Variants in SAMD7 observed in about 807,000 individuals in gnomAD.
SAMD7 encodes sterile alpha motif domain-containing protein 7.
A neutral mutation model predicts 36.7 loss-of-function variants in SAMD7; 34 were observed. That is an observed-to-expected ratio of 0.93 (90% confidence interval 0.71 to 1.23). SAMD7 has a LOEUF of 1.23. Ranked by LOEUF, SAMD7 falls within the 50% of genes most tolerant of loss-of-function variation. The probability of loss-of-function intolerance (pLI) is 0.00; values close to 1 mark genes in which losing one functional copy is unlikely to be tolerated. For missense variants in SAMD7, 570 were observed against 546.6 expected, an observed-to-expected ratio of 1.04 and a Z score of -0.43; for synonymous variants, 188 against 189.7, an observed-to-expected ratio of 0.99 and a Z score of 0.07.
Position 169,919,477 on chromosome 3 carries a change from G to A in SAMD7, c.-22G>A, listed in dbSNP as rs780994464. ...TTTTAGAACTCCATTAGTGGCGAGA[G>A]ATATTGAAGACAAACCCGGTGATGG... On this transcript the variant is annotated 5_prime_UTR_variant, in exon 3 of 9. Transcript: ENST00000335556. 4 of 1,597,450 alleles carry A rather than the reference G, an allele frequency of 2.5e-6. No individual in the cohort carries two copies. The highest frequency in any genetic ancestry group is 1.7e-6 in the Non-Finnish European group (2 of 1,164,734).
At chr3:169,926,494 T>A (rs1713263454) in intron 5 of SAMD7, 59 bp from the exon 6 acceptor site, 1 of 1,498,538 alleles carries the variant, frequency 6.7e-7, no homozygotes, top group African/African-American at 1.4e-5. Flanking sequence ...AAGGGGTCAT[T>A]AAAATTACAT....
intron 1 of SAMD7, 40 bp from the exon 2 acceptor site, chr3:169,915,327 A>T (rs940168024): frequency 3.3e-5 from 5 of 152,006 alleles, no homozygotes; most frequent in Non-Finnish European, 5.9e-5. Flanking sequence ...TCCTGGGATT[A>T]CCTCCCAAAT....
At chr3:169,919,012 G>C (rs1166245277) in intron 2 of SAMD7, among the ~76,000 whole-genome samples, 5 of 152,132 alleles carry the variant, frequency 3.3e-5, no homozygotes, top group African/African-American at 4.8e-5. Flanking sequence ...CGGGCGTGGT[G>C]GTGGGTGCCT....
intron 2 of SAMD7, among the ~76,000 whole-genome samples, chr3:169,916,638 ACT>A (rs1712814627): frequency 6.6e-6 from 1 of 152,134 alleles, no homozygotes; most frequent in Admixed American, 6.5e-5. Flanking sequence ...AGAGAGTGAG[ACT>A]CTGTCTCAAA....
At chr3:169,921,109 G>A (rs1349387204) in intron 3 of SAMD7, 105 bp from the exon 4 acceptor site, 1 of 994,778 alleles carries the variant, frequency 1.0e-6, no homozygotes, top group African/African-American at 1.6e-5. Flanking sequence ...GAGAAGAGAT[G>A]ATAGAATCCC....
intron 2 of SAMD7, among the ~76,000 whole-genome samples, chr3:169,917,617 A>G (rs1293017142): frequency 1.3e-4 from 17 of 127,966 alleles, no homozygotes; most frequent in African/African-American, 2.6e-4. Flanking sequence ...TTTTATTTTT[A>G]TTTGTTTGTT....
chr3:169,914,078 G>A (rs772259515), intron 1 of SAMD7, among the ~76,000 whole-genome samples: 3 of 152,206 alleles, frequency 2.0e-5, no homozygotes, highest in Non-Finnish European at 4.4e-5. Flanking sequence ...AACACCAAGA[G>A]TGAATCCACA....
intron 7 of SAMD7, among the ~76,000 whole-genome samples, chr3:169,934,314 G>GT (rs1713631192): frequency 6.6e-6 from 1 of 152,178 alleles, no homozygotes; most frequent in African/African-American, 2.4e-5. Context: ...GGTGGGAGCA[G>GT]TGGGGGCAGG....
rs1191657836 is a variant in SAMD7 at position 169,919,492 on chromosome 3, C to G, written c.-7C>G. 1.9e-6 allele frequency: 3 copies of G among 1,613,212 alleles called. 1 individual carries two copies. The highest frequency in any genetic ancestry group is 3.3e-5 in the Admixed American group (2 of 59,996). On this transcript the variant is annotated 5_prime_UTR_variant, in exon 3 of 9. Transcript: ENST00000335556. ...AGTGGCGAGAGATATTGAAGACAAA[C>G]CCGGTGATGGCTGTGAACCCTTTAT...
chr3:169,915,949 G>C (rs1712780251), intron 2 of SAMD7, among the ~76,000 whole-genome samples: 1 of 152,094 alleles, frequency 6.6e-6, no homozygotes, highest in South Asian at 2.1e-4. Context: ...TATTTAATGT[G>C]TACAATTTGA....
At chr3:169,924,009 C>T (rs1181367203) in intron 4 of SAMD7, among the ~76,000 whole-genome samples, 1 of 152,170 alleles carries the variant, frequency 6.6e-6, no homozygotes, top group Non-Finnish European at 1.5e-5. Flanking sequence ...GCTCTCTAGA[C>T]TGGACTTCTT....
At chr3:169,917,162 A>T (rs1269154472) in intron 2 of SAMD7, among the ~76,000 whole-genome samples, 5 of 152,244 alleles carry the variant, frequency 3.3e-5, no homozygotes, top group Non-Finnish European at 7.3e-5. Context: ...TGGATTTCCA[A>T]TTTGATTAGT....
rs145143262 is a variant in SAMD7 at position 169,937,333 on chromosome 3, G to A, written c.1152+884G>A. Among the ~76,000 whole-genome samples the A allele has an allele frequency of 2.0e-3, 311 of 152,060 alleles. 1 individual carries two copies. The highest frequency in any genetic ancestry group is 7.2e-3 in the African/African-American group (299 of 41,448). ...AGGTAAACATGTGCCATGGTGGTTTGCTGCACCTATCAACCCATCACCTAG... is the reference window on the plus strand; with the variant it reads ...AGGTAAACATGTGCCATGGTGGTTTACTGCACCTATCAACCCATCACCTAG... On this transcript the variant is annotated intron_variant, in intron 8 of 8. Transcript: ENST00000335556.
intron 7 of SAMD7, 127 bp downstream of exon 7, chr3:169,928,705 C>T (rs1350576034): frequency 2.1e-6 from 2 of 967,842 alleles, no homozygotes; most frequent in Non-Finnish European, 3.1e-6. Flanking sequence ...TTTTTTATGC[C>T]AGTGTCTACC....
chr3:169,919,442 A>G lies in SAMD7; in HGVS notation c.-41-16A>G, dbSNP rs926775353. ...AGTAGAGTTATTTGTTAAAGTGTCTATCTGGTTCTTTTTAGAACTCCATTA... is the reference window on the plus strand; with the variant it reads ...AGTAGAGTTATTTGTTAAAGTGTCTGTCTGGTTCTTTTTAGAACTCCATTA... On this transcript the variant is annotated splice_polypyrimidine_tract_variant and intron_variant, in intron 2 of 8. Coordinates refer to ENST00000335556, the MANE Select transcript of SAMD7 (RefSeq NM_001304366.2). 3.7e-5 allele frequency: 48 copies of G among 1,295,026 alleles called. No homozygotes were observed. The highest frequency in any genetic ancestry group is 5.4e-5 in the Non-Finnish European group (48 of 889,010). 80.2% of individuals were successfully genotyped at this position (1,295,026 alleles called of 1,614,324 possible).
chr3:169,926,816 G>A lies in SAMD7; in HGVS notation c.554G>A (p.Arg185Lys). The change falls in exon 6 of 9, where the codon AGG becomes AAG. Residue 185 changes from arginine (R) to lysine (K), a missense_variant. Arg to Lys is a conservative substitution (Grantham distance 26, BLOSUM62 2). Coordinates refer to ENST00000335556, the MANE Select transcript of SAMD7 (RefSeq NM_001304366.2). ...TGGGGGCAGAGATGTCGTCGACTCA[G>A]GAAAAATACAGGGAATCAAAAAGCT... ...ESWGQRCRRL[R>K]KNTGNQKALD... The A allele has an allele frequency of 1.9e-6, 3 of 1,613,838 alleles. No individual in the cohort carries two copies. The highest frequency in any genetic ancestry group is 2.5e-6 in the Non-Finnish European group (3 of 1,179,982).
chr3:169,912,982 T>C (rs1012189632), intron 1 of SAMD7, among the ~76,000 whole-genome samples: 10 of 152,112 alleles, frequency 6.6e-5, no homozygotes, highest in Admixed American at 3.3e-4. Context: ...AAAACATAAG[T>C]AGGAGGAATT....
intron 4 of SAMD7, among the ~76,000 whole-genome samples, chr3:169,922,659 C>T (rs577490368): frequency 9.9e-5 from 15 of 152,192 alleles, no homozygotes; most frequent in Non-Finnish European, 1.5e-5. Context: ...GCCACCACAC[C>T]CGGCTAATTT....
In SAMD7 at chr3:169,915,793, G is replaced by T. The variant is rs113015447; in HGVS notation, c.-42+352G>T. ...GGGTTTCACCATGTTGGCCAGGCTG[G>T]TCTCGAACTCCTGACCTCAGATGAT... On this transcript the variant is annotated intron_variant, in intron 2 of 8. Coordinates refer to ENST00000335556, the MANE Select transcript of SAMD7 (RefSeq NM_001304366.2). Among the ~76,000 whole-genome samples the T allele has an allele frequency of 7.0e-3, 1,070 of 151,848 alleles. 12 individuals carry two copies. The highest frequency in any genetic ancestry group is 0.02 in the South Asian group (96 of 4,802).
Sources: allele counts gnomAD v4.1 joint callset (sites outside exome capture counted in the v4.1 genomes callset), GRCh38; gene constraint gnomAD v4.1.1; transcripts MANE v1.5; gene names NCBI Gene and HGNC (gene_info 2026-07-23, HGNC 2026-07-21).